The following PPP2R2B variants were observed in gnomAD, a reference collection of about 807,000 sequenced individuals.
The protein encoded by PPP2R2B is serine/threonine-protein phosphatase 2A 55 kDa regulatory subunit B beta isoform.
PPP2R2B carries 5 observed loss-of-function variants against 46.0 expected under a neutral mutation model. The observed-to-expected ratio is 0.11, with a 90% CI of 0.06 to 0.23. PPP2R2B has a LOEUF of 0.23. Among genes scored for constraint, PPP2R2B ranks in the 10% least tolerant of loss-of-function variants. PPP2R2B has a pLI of 1.00. For synonymous variants in PPP2R2B, 215 were observed against 206.7 expected (o/e 1.04, Z -0.34); for missense variants, 367 against 575.0 (o/e 0.64, Z 3.70).
chr5:146,823,964 C>T (rs1284525824), intron 2 of PPP2R2B, among the ~76,000 whole-genome samples: 2 of 152,146 alleles, frequency 1.3e-5, no homozygotes, highest in East Asian at 1.9e-4. Context: ...CTCCATTTCC[C>T]TCCTGGATCC....
At chr5:146,774,454 C>G (rs1467982175) in intron 2 of PPP2R2B, among the ~76,000 whole-genome samples, 1 of 150,604 alleles carries the variant, frequency 6.6e-6, no homozygotes, top group Admixed American at 6.6e-5. Flanking sequence ...ATGAGAGAGA[C>G]AAAAATAAAG....
At chr5:146,706,749 G>A in intron 2 of PPP2R2B, 1 of 804,844 alleles carries the variant, frequency 1.2e-6, no homozygotes, top group Non-Finnish European at 2.2e-6. Context: ...GCCAGCGTCT[G>A]CAGCTCCTCA....
At chr5:146,696,226 C>T (rs1319395076) in intron 4 of PPP2R2B, among the ~76,000 whole-genome samples, 2 of 151,838 alleles carry the variant, frequency 1.3e-5, no homozygotes, top group Non-Finnish European at 2.9e-5. Flanking sequence ...GCCTCAGCCT[C>T]CCGAGTAGCC....
intron 1 of PPP2R2B, among the ~76,000 whole-genome samples, chr5:147,008,433 A>G (rs959035422): frequency 1.3e-5 from 2 of 152,170 alleles, no homozygotes; most frequent in African/African-American, 4.8e-5. Context: ...CTATTCATAA[A>G]TCTTCACCCT....
intron 2 of PPP2R2B, among the ~76,000 whole-genome samples, chr5:146,756,170 G>A (rs148307235): frequency 3.9e-4 from 59 of 152,222 alleles, no homozygotes; most frequent in African/African-American, 1.4e-3. Context: ...CAGTAGTTTT[G>A]TAACATAAGC....
intron 5 of PPP2R2B, among the ~76,000 whole-genome samples, chr5:146,660,098 C>A (rs1377180387): frequency 6.6e-6 from 1 of 152,150 alleles, no homozygotes; most frequent in Non-Finnish European, 1.5e-5. Flanking sequence ...TCCTCATTGT[C>A]ATGAAAATCT....
At chr5:146,821,226 C>T (rs1023705051) in intron 2 of PPP2R2B, among the ~76,000 whole-genome samples, 1 of 152,182 alleles carries the variant, frequency 6.6e-6, no homozygotes. Flanking sequence ...TGTACAATTG[C>T]ACAAATCCTC....
chr5:146,850,475 C>T (rs1760278138), intron 2 of PPP2R2B, among the ~76,000 whole-genome samples: 1 of 152,120 alleles, frequency 6.6e-6, no homozygotes, highest in Non-Finnish European at 1.5e-5. Context: ...GTCTAATGTC[C>T]ATCCTGTGGG....
chr5:146,939,821 C>T (rs1393968296), intron 1 of PPP2R2B, among the ~76,000 whole-genome samples: 2 of 152,044 alleles, frequency 1.3e-5, no homozygotes, highest in East Asian at 3.9e-4. Flanking sequence ...ATAAGCTGTT[C>T]TTATACTTCC....
At chr5:146,975,100 A>C (rs1752841123) in intron 1 of PPP2R2B, among the ~76,000 whole-genome samples, 1 of 152,130 alleles carries the variant, frequency 6.6e-6, no homozygotes, top group Non-Finnish European at 1.5e-5. Flanking sequence ...ATTATTGTTC[A>C]ACCAATCTCC....
At chr5:146,697,847 G>C in intron 4 of PPP2R2B, 132 bp downstream of exon 4, 2 of 823,398 alleles carry the variant, frequency 2.4e-6, no homozygotes, top group Non-Finnish European at 3.6e-6. Context: ...ACTCTGCTAA[G>C]CATCTTGCAA....
chr5:146,857,657 T>TA (rs1760753267), intron 2 of PPP2R2B, among the ~76,000 whole-genome samples: 1 of 152,116 alleles, frequency 6.6e-6, no homozygotes, highest in African/African-American at 2.4e-5. Context: ...CTTCTAACGG[T>TA]AATATCTTAA....
intron 1 of PPP2R2B, among the ~76,000 whole-genome samples, chr5:146,934,562 A>G (rs2151824507): frequency 7.4e-6 from 1 of 135,550 alleles, no homozygotes; most frequent in South Asian, 2.7e-4. Context: ...TCCTAGAGTT[A>G]GAAGAGGTAG....
At chr5:146,829,649 A>G (rs559529721) in intron 2 of PPP2R2B, among the ~76,000 whole-genome samples, 6 of 152,322 alleles carry the variant, frequency 3.9e-5, no homozygotes, top group Non-Finnish European at 7.3e-5. Context: ...AGTCCTGCAA[A>G]GCAAAACTGA....
intron 5 of PPP2R2B, among the ~76,000 whole-genome samples, chr5:146,663,264 C>A (rs1776777432): frequency 6.6e-6 from 1 of 152,114 alleles, no homozygotes; most frequent in Non-Finnish European, 1.5e-5. Context: ...CTCTAAACCA[C>A]TATACTATGC....
chr5:146,647,959 T>C (rs185181513), intron 6 of PPP2R2B, among the ~76,000 whole-genome samples: 15 of 152,328 alleles, frequency 9.8e-5, no homozygotes, highest in African/African-American at 3.6e-4. Flanking sequence ...TGTCTCCAAA[T>C]ATATCTCATA....
At chr5:146,877,962 G>C (rs773275865) in intron 2 of PPP2R2B, 40 bp downstream of exon 2, 75 of 1,595,996 alleles carry the variant, frequency 4.7e-5, no homozygotes, top group Non-Finnish European at 6.2e-5. Context: ...CGCAACTTGC[G>C]CCCGGCCCCA....
intron 2 of PPP2R2B, among the ~76,000 whole-genome samples, chr5:146,746,286 A>G (rs1346071929): frequency 6.6e-6 from 1 of 152,196 alleles, no homozygotes; most frequent in Non-Finnish European, 1.5e-5. Context: ...GATCCCAATC[A>G]GATCCACCTT....
At chr5:146,987,973 C>T (rs1753506697) in intron 1 of PPP2R2B, among the ~76,000 whole-genome samples, 1 of 151,862 alleles carries the variant, frequency 6.6e-6, no homozygotes, top group Non-Finnish European at 1.5e-5. Flanking sequence ...AGTAGCTATA[C>T]TTATATCAGA....
Sources: allele counts gnomAD v4.1 joint callset (sites outside exome capture counted in the v4.1 genomes callset), GRCh38; gene constraint gnomAD v4.1.1; transcripts MANE v1.5; gene names NCBI Gene and HGNC (gene_info 2026-07-23, HGNC 2026-07-21).